Variants in NINL observed in about 807,000 individuals in gnomAD.
NINL encodes the protein ninein like.
A neutral mutation model predicts 160.3 loss-of-function variants in NINL; 153 were observed. That is an observed-to-expected ratio of 0.95 (90% CI 0.84 to 1.09). The LOEUF (loss-of-function observed/expected upper bound fraction) is 1.09, where lower values mean the gene tolerates loss of function less well. NINL is among the 50% of genes least tolerant of loss of function. The pLI, the probability that NINL is intolerant of heterozygous loss-of-function variation, is 0.00. For synonymous variants in NINL, 800 were observed against 734.8 expected, an observed-to-expected ratio of 1.09 and a Z score of -1.43; for missense variants, 1,829 against 1,764.0, an observed-to-expected ratio of 1.04 and a Z score of -0.66.
chr20:25,476,225 C>T lies in NINL; in HGVS notation c.3066G>A (p.Leu1022=). ...GGTCTGCGAGCTGGAGGTGGGATGG[C>T]AAGGACCCTCTCCTGGCAACCTCCA... ...HSVEVARRGS[L]PSHLQLADPQ... The change falls in exon 17 of 24, where the codon TTG becomes TTA. Residue 1022 remains leucine, a synonymous_variant. Transcript: ENST00000278886. 6.2e-7 allele frequency: 1 copy of T among 1,614,080 alleles called. No homozygotes were observed. The highest frequency in any genetic ancestry group is 8.5e-7 in the Non-Finnish European group (1 of 1,180,004).
chr20:25,476,248 C>T lies in NINL; in HGVS notation c.3043G>A (p.Glu1015Lys). 1 of 1,614,044 alleles carries T rather than the reference C, an allele frequency of 6.2e-7. No homozygotes were observed. Among genetic ancestry groups the T allele is most frequent in the East Asian group, 2.2e-5 (1 of 44,868 alleles). Residue 1015 changes from glutamate (E) to lysine (K), a missense_variant, in exon 17 of 24, where the codon GAG becomes AAG. Coordinates refer to ENST00000278886, the MANE Select transcript of NINL (RefSeq NM_025176.6). ...LEPGCHKHSVEVARRGSLPSH... is the reference protein window; with the variant it reads ...LEPGCHKHSVKVARRGSLPSH... ...GGCAAGGACCCTCTCCTGGCAACCT[C>T]CACACTGTGCTTGTGACACCCAGGC...
rs755243825 is a variant in NINL at position 25,479,220 on chromosome 20, C to T, written c.1918-14G>A. On this transcript the variant is annotated splice_polypyrimidine_tract_variant and intron_variant, in intron 15 of 23. Transcript: ENST00000278886. ...GTAGTAATTTACCTAAAACGAGAAA[C>T]ATGAGCCCCGTGGACCAGGAGACCC... 6.3e-7 allele frequency: 1 copy of T among 1,591,064 alleles called. No individual in the cohort carries two copies. Among genetic ancestry groups the T allele is most frequent in the Non-Finnish European group, 8.6e-7 (1 of 1,166,178 alleles).
chr20:25,490,331 C>T (rs867709331), intron 11 of NINL, among the ~76,000 whole-genome samples: 1 of 152,118 alleles, frequency 6.6e-6, no homozygotes, highest in Non-Finnish European at 1.5e-5. Context: ...GAGGCCGAGG[C>T]GGGCGGATCA....
intron 1 of NINL, among the ~76,000 whole-genome samples, chr20:25,553,763 G>C (rs374315916): frequency 1.4e-3 from 208 of 152,324 alleles, no homozygotes; most frequent in African/African-American, 4.6e-3. Flanking sequence ...CAACAGGCAC[G>C]ATGGGAAGAG....
intron 18 of NINL, among the ~76,000 whole-genome samples, chr20:25,468,870 C>T (rs2063003345): frequency 7.0e-6 from 1 of 143,150 alleles, no homozygotes; most frequent in African/African-American, 2.7e-5. Context: ...TGTCCCCCGA[C>T]TCTCACTGGT....
At chr20:25,529,474 C>G (rs1276214550) in intron 1 of NINL, among the ~76,000 whole-genome samples, 1 of 151,566 alleles carries the variant, frequency 6.6e-6, no homozygotes, top group Non-Finnish European at 1.5e-5. Flanking sequence ...AGGGCCTGCC[C>G]TATTTGCTAA....
intron 1 of NINL, among the ~76,000 whole-genome samples, chr20:25,529,296 T>A (rs1366903651): frequency 6.6e-6 from 1 of 151,916 alleles, no homozygotes; most frequent in Admixed American, 6.6e-5. Context: ...TTAAGTAGAA[T>A]CTTCATGGTG....
intron 1 of NINL, among the ~76,000 whole-genome samples, chr20:25,568,382 G>A (rs2065018147): frequency 6.6e-6 from 1 of 151,508 alleles, no homozygotes; most frequent in African/African-American, 2.4e-5. Context: ...AAATTCAACA[G>A]TTTAGATTAA....
intron 17 of NINL, among the ~76,000 whole-genome samples, chr20:25,472,454 G>T (rs1419690654): frequency 6.7e-6 from 1 of 148,744 alleles, no homozygotes; most frequent in African/African-American, 2.5e-5. Context: ...GCAACCTCCG[G>T]AGAGGCAATA....
rs964913992 is a variant in NINL, at chr20:25,478,303, C to G, written c.2201+620G>C. On this transcript the variant is annotated intron_variant, in intron 16 of 23. Coordinates refer to ENST00000278886, the MANE Select transcript of NINL (RefSeq NM_025176.6). Reference sequence around the variant, plus strand: ...GGCCTGGCCAGTGTGGTGGGAGGGCCCGTCCTCTTCTAAGCCGGGGCCAAT... The same window carrying G: ...GGCCTGGCCAGTGTGGTGGGAGGGCGCGTCCTCTTCTAAGCCGGGGCCAAT... Among the ~76,000 whole-genome samples, 9 of 152,236 alleles carry G rather than the reference C, an allele frequency of 5.9e-5. No homozygotes were observed. The East Asian group carries it at 1.7e-3, about 29-fold the overall frequency.
chr20:25,522,900 G>T (rs574498923), intron 2 of NINL, among the ~76,000 whole-genome samples: 1 of 152,300 alleles, frequency 6.6e-6, no homozygotes, highest in East Asian at 1.9e-4. Context: ...ACAAAGTAAA[G>T]AGGCTGCAAT....
intron 1 of NINL, among the ~76,000 whole-genome samples, chr20:25,541,963 G>A (rs944963220): frequency 8.5e-5 from 13 of 152,222 alleles, no homozygotes; most frequent in African/African-American, 4.8e-5. Context: ...CTGAGCAACT[G>A]CAATCAACTA....
intron 1 of NINL, among the ~76,000 whole-genome samples, chr20:25,561,932 C>T (rs1267694471): frequency 3.3e-5 from 5 of 150,826 alleles, no homozygotes; most frequent in South Asian, 4.2e-4. Flanking sequence ...CCAGCCGCCC[C>T]GTCCGGGAGG....
At chr20:25,548,067 C>T (rs1316198035) in intron 1 of NINL, among the ~76,000 whole-genome samples, 1 of 152,242 alleles carries the variant, frequency 6.6e-6, no homozygotes, top group African/African-American at 2.4e-5. Flanking sequence ...GGCAGATGCA[C>T]TGCAATGCTG....
chr20:25,484,701 C>T (rs570122839), intron 13 of NINL, among the ~76,000 whole-genome samples: 1 of 152,294 alleles, frequency 6.6e-6, no homozygotes, highest in South Asian at 2.1e-4. Context: ...ATGCCAATGG[C>T]ATGGACAGAT....
At chr20:25,498,926 C>G (rs928869148) in intron 8 of NINL, 1 of 985,436 alleles carries the variant, frequency 1.0e-6, no homozygotes, top group Non-Finnish European at 1.2e-6. Context: ...ACTGAAACAA[C>G]AAAAAATAGA....
At chr20:25,461,799 C>A (rs540355288) in intron 20 of NINL, among the ~76,000 whole-genome samples, 164 bp from the exon 21 acceptor site, 1 of 152,096 alleles carries the variant, frequency 6.6e-6, no homozygotes, top group Non-Finnish European at 1.5e-5. Context: ...AGTCACTCCC[C>A]GGCCCCTCCT....
chr20:25,561,442 G>A (rs1428742197), intron 1 of NINL, among the ~76,000 whole-genome samples: 1 of 152,214 alleles, frequency 6.6e-6, no homozygotes, highest in African/African-American at 2.4e-5. Flanking sequence ...TGCAGCCTCT[G>A]CCCGGCCGCT....
At chr20:25,567,371 T>C (rs1481175713) in intron 1 of NINL, among the ~76,000 whole-genome samples, 2 of 152,192 alleles carry the variant, frequency 1.3e-5, no homozygotes, top group African/African-American at 4.8e-5. Context: ...TAATAATGGC[T>C]GAGAATTTCC....
Sources: gnomAD v4.1 joint callset for allele counts (sites outside exome capture counted in the v4.1 genomes callset) on GRCh38, gnomAD v4.1.1 for gene constraint, MANE v1.5 for transcripts, NCBI Gene and HGNC (gene_info 2026-07-23, HGNC 2026-07-21) for gene names.